The following CDK7 variants were observed in gnomAD, a reference collection of about 807,000 sequenced individuals.
CDK7 encodes cyclin dependent kinase 7.
A neutral mutation model predicts 49.1 loss-of-function variants in CDK7; 25 were observed. The observed-to-expected ratio is 0.51, with a 90% confidence interval of 0.37 to 0.71. The LOEUF (loss-of-function observed/expected upper bound fraction) is 0.71. CDK7 is among the 30% of genes least tolerant of loss of function. The pLI is 0.00. For missense variants in CDK7, 316 were observed against 411.7 expected (o/e 0.77, Z 2.01); for synonymous variants, 107 against 140.0 (o/e 0.76, Z 1.67).
At chr5:69,258,695 A>G (rs751338121) in intron 6 of CDK7, among the ~76,000 whole-genome samples, 1 of 151,994 alleles carries the variant, frequency 6.6e-6, no homozygotes, top group Admixed American at 6.6e-5. Flanking sequence ...TCATTTTTTA[A>G]TAGATGAAGA....
chr5:69,247,413 T>C (rs1749825476), intron 2 of CDK7, among the ~76,000 whole-genome samples: 1 of 152,136 alleles, frequency 6.6e-6, no homozygotes, highest in Non-Finnish European at 1.5e-5. Flanking sequence ...CTTTTTTGGT[T>C]TCCATTGGCA....
intron 2 of CDK7, among the ~76,000 whole-genome samples, chr5:69,236,439 G>A (rs750122182): frequency 6.6e-6 from 1 of 152,050 alleles, no homozygotes; most frequent in Non-Finnish European, 1.5e-5. Flanking sequence ...AAATCCAGGT[G>A]TCCTGATGTT....
chr5:69,239,193 G>A (rs1172342603), intron 2 of CDK7, among the ~76,000 whole-genome samples: 1 of 152,116 alleles, frequency 6.6e-6, no homozygotes, highest in Non-Finnish European at 1.5e-5. Context: ...TTGCTCTCCA[G>A]AATGATTGGA....
chr5:69,255,776 G>C, intron 5 of CDK7: 1 of 479,056 alleles, frequency 2.1e-6, no homozygotes, highest in East Asian at 3.8e-5. Flanking sequence ...CCCATAGCTA[G>C]TTGACGTCAT....
At chr5:69,270,817 T>C (rs533647297) in intron 9 of CDK7, among the ~76,000 whole-genome samples, 1 of 152,346 alleles carries the variant, frequency 6.6e-6, no homozygotes, top group East Asian at 1.9e-4. Flanking sequence ...TCTCTTTTGT[T>C]AACTGCTGAG....
At chr5:69,249,002 T>C (rs1252052155) in intron 2 of CDK7, among the ~76,000 whole-genome samples, 7 of 151,972 alleles carry the variant, frequency 4.6e-5, no homozygotes, top group South Asian at 2.1e-4. Context: ...TACTTGAATA[T>C]TGGTACCTAT....
chr5:69,259,782 C>T (rs771289828), intron 6 of CDK7, 36 bp from the exon 7 acceptor site: 1 of 1,375,920 alleles, frequency 7.3e-7, no homozygotes, highest in Non-Finnish European at 1.0e-6. Context: ...CTCCCCTACC[C>T]TGCTTATTTG....
rs1472696370 is a variant in CDK7 at position 69,235,388 on chromosome 5, T to G, written c.67-6T>G. 1 of 1,587,556 alleles carries G rather than the reference T, an allele frequency of 6.3e-7. No homozygotes were observed. Among genetic ancestry groups the G allele is most frequent in the Admixed American group, 1.7e-5 (1 of 59,900 alleles). On this transcript the variant is annotated splice_region_variant and splice_polypyrimidine_tract_variant and intron_variant, in intron 1 of 11. Coordinates refer to ENST00000256443, the MANE Select transcript of CDK7 (RefSeq NM_001799.4). ...AAACTTATGTTATTTCTATTTTTCTTTCTAGTTTGCCACCGTTTACAAGGC... is the reference window on the plus strand; with the variant it reads ...AAACTTATGTTATTTCTATTTTTCTGTCTAGTTTGCCACCGTTTACAAGGC...
At chr5:69,251,506 A>G (rs554810495) in intron 2 of CDK7, among the ~76,000 whole-genome samples, 9 of 152,166 alleles carry the variant, frequency 5.9e-5, no homozygotes, top group South Asian at 2.1e-4. Context: ...AGGCCTCCCA[A>G]AATACTGGGA....
chr5:69,265,316 T>G (rs1332433594), intron 8 of CDK7, among the ~76,000 whole-genome samples: 1 of 147,560 alleles, frequency 6.8e-6, no homozygotes, highest in African/African-American at 2.5e-5. Flanking sequence ...AAGAAAACTT[T>G]CAAAAAAAAA....
At chr5:69,236,638 AT>A (rs1748994797) in intron 2 of CDK7, among the ~76,000 whole-genome samples, 1 of 140,890 alleles carries the variant, frequency 7.1e-6, no homozygotes, top group South Asian at 2.1e-4. Context: ...TAATTTTTTT[AT>A]TTTTTATTTT....
intron 11 of CDK7, 40 bp from the exon 12 acceptor site, chr5:69,277,067 G>A: frequency 6.5e-7 from 1 of 1,549,484 alleles, no homozygotes; most frequent in South Asian, 1.2e-5. Context: ...TTTGTTAAAT[G>A]TGAACAACTT....
At chr5:69,250,327 A>G (rs6450026) in intron 2 of CDK7, among the ~76,000 whole-genome samples, 1 of 152,104 alleles carries the variant, frequency 6.6e-6, no homozygotes, top group Non-Finnish European at 1.5e-5. Flanking sequence ...TGTAGTTCTT[A>G]TAGACTTATA....
intron 8 of CDK7, among the ~76,000 whole-genome samples, chr5:69,267,292 CTTTTTTTTTTTTTTTTTT>C (rs71612523): frequency 3.3e-5 from 3 of 91,076 alleles, no homozygotes; most frequent in Non-Finnish European, 4.2e-5. Flanking sequence ...ATAAGGATTC[CTTTTTTTTTTTTTTTTTT>C]TTTTTTTTTT....
chr5:69,277,154 T>A lies in CDK7; in HGVS notation c.*19T>A. On this transcript the variant is annotated 3_prime_UTR_variant, in exon 12 of 12. Transcript: ENST00000256443. ...TTTTTAAAGAGAACACTGGACAACA[T>A]TTTACTACTGAGGGAAATAGCCAAA... The A allele has an allele frequency of 6.3e-7, 1 of 1,580,782 alleles. No individual in the cohort carries two copies. The highest frequency in any genetic ancestry group is 8.6e-7 in the Non-Finnish European group (1 of 1,162,712).
chr5:69,257,391 T>G (rs1044203421), intron 5 of CDK7, among the ~76,000 whole-genome samples: 7 of 152,142 alleles, frequency 4.6e-5, no homozygotes, highest in African/African-American at 1.7e-4. Context: ...AAACTGACAT[T>G]AGGCACAGCT....
Position 69,251,387 on chromosome 5 carries a change from C to T in CDK7, c.127-1031C>T, listed in dbSNP as rs1193235571. Among the ~76,000 whole-genome samples the T allele has an allele frequency of 7.2e-5, 11 of 151,988 alleles. No homozygotes were observed. In the South Asian group the frequency reaches 8.3e-4, roughly 11 times the overall value. ...TGCTGGGATTACAGGCATGAGCCGC[C>T]GCACCCAGCCAATGCCCCAGTAACT... is the stretch of plus-strand genomic sequence containing the variant. On this transcript the variant is annotated intron_variant, in intron 2 of 11. Coordinates refer to ENST00000256443, the MANE Select transcript of CDK7 (RefSeq NM_001799.4).
intron 6 of CDK7, among the ~76,000 whole-genome samples, chr5:69,258,860 G>A (rs545164539): frequency 9.2e-5 from 14 of 152,158 alleles, no homozygotes; most frequent in African/African-American, 1.7e-4. Flanking sequence ...TAGATATCTC[G>A]AGCCCAGGAG....
At position 69,276,674 on chromosome 5, in the gene CDK7, A is replaced by C. The variant is rs771049771; in HGVS notation, c.996A>C (p.Thr332=). The part of the protein sequence containing the change: ...NPALAIKRKR[T]EALEQGGLPK... ...CTTTGGCAATAAAAAGGAAAAGAAC[A>C]GAGGCCTTAGAACAAGGTAAGATTC... is the stretch of plus-strand genomic sequence containing the variant. Residue 332 remains threonine (T), a synonymous_variant, in exon 11 of 12, where the codon ACA becomes ACC. Coordinates refer to ENST00000256443, the MANE Select transcript of CDK7 (RefSeq NM_001799.4). 6.2e-7 allele frequency: 1 copy of C among 1,614,046 alleles called. No homozygotes were observed. Among genetic ancestry groups the C allele is most frequent in the East Asian group, 2.2e-5 (1 of 44,896 alleles).
Sources: gnomAD v4.1 joint callset for allele counts (sites outside exome capture counted in the v4.1 genomes callset) on GRCh38, gnomAD v4.1.1 for gene constraint, MANE v1.5 for transcripts, NCBI Gene and HGNC (gene_info 2026-07-23, HGNC 2026-07-21) for gene names.